The following GALNT16 variants were observed in gnomAD, a reference collection of about 807,000 sequenced individuals.
GALNT16 encodes UDP-GalNAc:polypeptide N-acetylgalactosaminyltransferase-like protein 1.
Under a neutral mutation model 76.1 loss-of-function variants are expected in GALNT16, and 40 were observed. The observed-to-expected ratio is 0.53, with a 90% confidence interval of 0.41 to 0.68. GALNT16 has a LOEUF of 0.68. Among genes scored for constraint, GALNT16 ranks in the 30% least tolerant of loss-of-function variants. The pLI is 0.00. For synonymous variants in GALNT16, 276 were observed against 285.2 expected (o/e 0.97, Z 0.32); for missense variants, 621 against 731.9 (o/e 0.85, Z 1.75).
intron 12 of GALNT16, 44 bp from the exon 13 acceptor site, chr14:69,346,996 C>T (rs1272798102): frequency 1.2e-6 from 2 of 1,613,170 alleles, no homozygotes; most frequent in Non-Finnish European, 1.7e-6. Flanking sequence ...GTAGGTAAGC[C>T]TTGGGGGGGA....
chr14:69,307,709 A>G (rs1446956561), intron 1 of GALNT16, among the ~76,000 whole-genome samples: 2 of 152,138 alleles, frequency 1.3e-5, no homozygotes, highest in Admixed American at 1.3e-4. Context: ...CACCTCAACT[A>G]AGTTACTAAG....
At chr14:69,327,643 A>G (rs2045302493) in intron 5 of GALNT16, among the ~76,000 whole-genome samples, 1 of 152,194 alleles carries the variant, frequency 6.6e-6, no homozygotes, top group Non-Finnish European at 1.5e-5. Flanking sequence ...GGGCAGAGGC[A>G]TGGCTAGGGA....
chr14:69,267,896 G>A (rs1342528020), intron 1 of GALNT16, among the ~76,000 whole-genome samples: 1 of 152,186 alleles, frequency 6.6e-6, no homozygotes, highest in Non-Finnish European at 1.5e-5. Flanking sequence ...AAGTGAGGTG[G>A]CCTTCAGCCA....
intron 4 of GALNT16, 29 bp from the exon 5 acceptor site, chr14:69,325,933 T>C: frequency 6.3e-7 from 1 of 1,597,872 alleles, no homozygotes; most frequent in East Asian, 2.2e-5. Context: ...CATGTCTAAA[T>C]GAGCTTGCCT....
In GALNT16 at chr14:69,260,212, C is replaced by A; in HGVS notation, c.-79C>A. 2 of 966,120 alleles carry A rather than the reference C, an allele frequency of 2.1e-6. No homozygotes were observed. Among genetic ancestry groups the A allele is most frequent in the Non-Finnish European group, 3.0e-6 (2 of 662,142 alleles). 59.8% of individuals were successfully genotyped at this position (966,120 alleles called of 1,614,324 possible). ...GCTAGGCGCGAGCGAAAACAAACAG[C>A]TGGGGCTGCGAGCGCCCCCGCCCCG... is the stretch of plus-strand genomic sequence containing the variant. On this transcript the variant is annotated 5_prime_UTR_variant, in exon 1 of 15. In the 5' UTR this introduces an upstream ATG that the reference lacks. Coordinates refer to ENST00000448469, the MANE Select transcript of GALNT16 (RefSeq NM_001168368.2).
chr14:69,379,343 G>C, the GALNT16 span, among the ~76,000 whole-genome samples: 7 of 152,154 alleles, frequency 4.6e-5, no homozygotes, highest in African/African-American at 1.7e-4. Flanking sequence ...TTGGTACAGT[G>C]ATAACATTTC....
At chr14:69,376,233 A>G in the GALNT16 span, among the ~76,000 whole-genome samples, 478 of 152,270 alleles carry the variant, frequency 3.1e-3, 4 homozygotes, top group African/African-American at 0.011. Flanking sequence ...GCTATGGTAA[A>G]TCCATAGTAG....
At chr14:69,366,871 G>A in the GALNT16 span, among the ~76,000 whole-genome samples, 3 of 152,172 alleles carry the variant, frequency 2.0e-5, no homozygotes, top group Non-Finnish European at 4.4e-5. Flanking sequence ...AGATGATTGA[G>A]GGAAGTAGAC....
chr14:69,360,299 G>A (rs2045716332), downstream of GALNT16, among the ~76,000 whole-genome samples: 1 of 151,520 alleles, frequency 6.6e-6, no homozygotes, highest in African/African-American at 2.4e-5. Flanking sequence ...GCTGCAGTGA[G>A]TTATGATTGC....
In GALNT16 at chr14:69,269,878, C is replaced by T. The variant is rs1023637159; in HGVS notation, c.177+9411C>T. ...GTGATGTGAGGCTGGTGGAGGGTGCCGGTGCCTGAAGCGATGTAAAAGGGA... is the reference window on the plus strand; with the variant it reads ...GTGATGTGAGGCTGGTGGAGGGTGCTGGTGCCTGAAGCGATGTAAAAGGGA... On this transcript the variant is annotated intron_variant, in intron 1 of 14. Transcript: ENST00000448469. Among the ~76,000 whole-genome samples the T allele has an allele frequency of 3.3e-5, 5 of 151,470 alleles. No homozygotes were observed. In the South Asian group the frequency reaches 6.3e-4, roughly 19 times the overall value.
At chr14:69,263,921 C>T (rs978772301) in intron 1 of GALNT16, among the ~76,000 whole-genome samples, 13 of 152,176 alleles carry the variant, frequency 8.5e-5, no homozygotes, top group African/African-American at 3.1e-4. Context: ...GATTTGGGGA[C>T]ATCCCCTTGA....
chr14:69,344,884 G>A (rs542909733), intron 12 of GALNT16, among the ~76,000 whole-genome samples: 5 of 152,386 alleles, frequency 3.3e-5, no homozygotes, highest in Admixed American at 1.3e-4. Context: ...GGATGAGGCT[G>A]AGAGTGTGGA....
At chr14:69,377,439 T>C in the GALNT16 span, among the ~76,000 whole-genome samples, 2 of 152,304 alleles carry the variant, frequency 1.3e-5, no homozygotes, top group Admixed American at 1.3e-4. Flanking sequence ...AAATATTTCC[T>C]AGGCAGTAAA....
At chr14:69,330,166 G>GA (rs1302337257) in intron 6 of GALNT16, among the ~76,000 whole-genome samples, 20 of 152,200 alleles carry the variant, frequency 1.3e-4, no homozygotes, top group Admixed American at 4.6e-4. Context: ...CCAAAAGGTA[G>GA]AAAAAATCCA....
At chr14:69,372,262 A>C in the GALNT16 span, among the ~76,000 whole-genome samples, 4 of 151,930 alleles carry the variant, frequency 2.6e-5, no homozygotes, top group African/African-American at 9.7e-5. Context: ...CCTTGTTGGG[A>C]AGCCTGAGTG....
At chr14:69,316,934 A>T (rs2045110592) in intron 1 of GALNT16, among the ~76,000 whole-genome samples, 1 of 152,182 alleles carries the variant, frequency 6.6e-6, no homozygotes, top group African/African-American at 2.4e-5. Flanking sequence ...CCTGTTGAGT[A>T]CCTACTGTGT....
At chr14:69,268,373 T>G (rs1276276670) in intron 1 of GALNT16, among the ~76,000 whole-genome samples, 2 of 152,138 alleles carry the variant, frequency 1.3e-5, no homozygotes, top group Non-Finnish European at 2.9e-5. Flanking sequence ...CCTGGCAACT[T>G]TCAGTTTTCC....
intron 1 of GALNT16, among the ~76,000 whole-genome samples, chr14:69,263,867 G>A (rs187555161): frequency 1.4e-3 from 213 of 152,326 alleles, no homozygotes; most frequent in Admixed American, 2.3e-3. Flanking sequence ...GATGCGGCAA[G>A]GTTTGTGATT....
At chr14:69,355,246 T>G (rs1213335556), downstream of GALNT16, 1 of 152,352 alleles carries the variant, frequency 6.6e-6, no homozygotes, top group East Asian at 1.9e-4. Context: ...TTCTGACCCC[T>G]GGGCCTGAGG....
Sources: allele counts gnomAD v4.1 joint callset (sites outside exome capture counted in the v4.1 genomes callset), GRCh38; gene constraint gnomAD v4.1.1; transcripts MANE v1.5; gene names NCBI Gene and HGNC (gene_info 2026-07-23, HGNC 2026-07-21).